TMTC2: variants seen among roughly 807,000 people sequenced by gnomAD.
The protein encoded by TMTC2 is protein O-mannosyl-transferase TMTC2.
In TMTC2, 43 loss-of-function variants were observed where a neutral mutation model predicts 82.4. That is an observed-to-expected ratio of 0.52 (90% CI 0.41 to 0.67). TMTC2 has a LOEUF of 0.67. TMTC2 is among the 30% of genes least tolerant of loss of function. TMTC2 has a pLI of 0.00. For synonymous variants in TMTC2, 408 were observed against 381.9 expected (o/e 1.07, Z -0.80); for missense variants, 919 against 1,012.4 (o/e 0.91, Z 1.25).
intron 1 of TMTC2, among the ~76,000 whole-genome samples, chr12:82,790,690 G>T (rs1353208911): frequency 1.3e-5 from 2 of 151,772 alleles, no homozygotes; most frequent in African/African-American, 2.4e-5. Context: ...AACTGGGTGT[G>T]GTTGTGCATG....
At chr12:82,717,865 C>A (rs769360766) in intron 1 of TMTC2, among the ~76,000 whole-genome samples, 1 of 152,090 alleles carries the variant, frequency 6.6e-6, no homozygotes, top group Non-Finnish European at 1.5e-5. Context: ...AACAAAGTAG[C>A]CTAATTTCCT....
intron 1 of TMTC2, among the ~76,000 whole-genome samples, chr12:82,782,825 A>T (rs534738429): frequency 3.3e-5 from 5 of 152,156 alleles, no homozygotes; most frequent in African/African-American, 1.2e-4. Flanking sequence ...AGTTACTTCT[A>T]AGTAGCCTCT....
intron 4 of TMTC2, among the ~76,000 whole-genome samples, chr12:82,947,038 G>A (rs934878522): frequency 1.3e-5 from 2 of 151,314 alleles, no homozygotes; most frequent in Admixed American, 6.6e-5. Context: ...CACCGCACCC[G>A]GCCCAGGCAT....
chr12:82,836,122 G>A (rs1056367738), intron 1 of TMTC2, among the ~76,000 whole-genome samples: 5 of 149,192 alleles, frequency 3.4e-5, no homozygotes, highest in African/African-American at 7.8e-5. Flanking sequence ...TTGAAACTTC[G>A]TAATGCCTCT....
rs990359525 is a variant in TMTC2 at position 82,913,834 on chromosome 12, G to T, written c.1484-16597G>T. Among the ~76,000 whole-genome samples, 3 of 152,222 alleles carry T rather than the reference G, an allele frequency of 2.0e-5. No homozygotes were observed. In the South Asian group the frequency reaches 6.2e-4, roughly 32 times the overall value. On this transcript the variant is annotated intron_variant, in intron 3 of 11. Transcript: ENST00000321196. ...GATATATGTGGAGGATTGGTTCCAA[G>T]ACCACACACTTAAAAACAAATCCCT...
chr12:83,016,755 C>G (rs1283124281), intron 8 of TMTC2, among the ~76,000 whole-genome samples: 1 of 152,152 alleles, frequency 6.6e-6, no homozygotes, highest in African/African-American at 2.4e-5. Flanking sequence ...AACTGTGAAG[C>G]CAGATAGTTT....
chr12:82,832,907 G>A (rs1869830061), intron 1 of TMTC2, among the ~76,000 whole-genome samples: 1 of 152,158 alleles, frequency 6.6e-6, no homozygotes, highest in Non-Finnish European at 1.5e-5. Flanking sequence ...TTCCCTGTTG[G>A]TCCCACTTCC....
At chr12:82,821,411 G>A (rs1592549705) in intron 1 of TMTC2, among the ~76,000 whole-genome samples, 2 of 152,084 alleles carry the variant, frequency 1.3e-5, no homozygotes, top group East Asian at 3.8e-4. Context: ...TGTTGGTAAT[G>A]ACTAATGATA....
At chr12:83,055,705 G>T (rs1253781925) in intron 10 of TMTC2, among the ~76,000 whole-genome samples, 1 of 147,874 alleles carries the variant, frequency 6.8e-6, no homozygotes, top group East Asian at 2.0e-4. Context: ...TAGTGGAAGG[G>T]GTGTGTGTGT....
intron 1 of TMTC2, among the ~76,000 whole-genome samples, chr12:82,742,677 G>T (rs955461947): frequency 6.6e-6 from 1 of 151,070 alleles, no homozygotes; most frequent in Non-Finnish European, 1.5e-5. Flanking sequence ...CTGCCATCAT[G>T]CCAGGCTAAT....
At chr12:82,976,919 A>G (rs1878700714) in intron 7 of TMTC2, among the ~76,000 whole-genome samples, 1 of 152,076 alleles carries the variant, frequency 6.6e-6, no homozygotes, top group Admixed American at 6.6e-5. Flanking sequence ...TCAAGTAGAT[A>G]CATAATGTGA....
In TMTC2 at chr12:83,134,137, A is replaced by C. The variant is rs190906301; in HGVS notation, c.*1748A>C. 3 of 152,570 alleles carry C rather than the reference A, an allele frequency of 2.0e-5. No individual in the cohort carries two copies. The highest frequency in any genetic ancestry group is 7.2e-5 in the African/African-American group (3 of 41,448). The allele number at this position is 152,570 out of a possible 1,614,324, so 9.5% of individuals were successfully genotyped here. A position where few individuals can be genotyped will look rare whatever the true frequency, so the allele number is the denominator to read the frequency against. ...TAATAAGAAAGCCCTTCTGTAATAT[A>C]TATATTATTTTGTAAACATTTCACT... On this transcript the variant is annotated 3_prime_UTR_variant, in exon 12 of 12. Coordinates refer to ENST00000321196, the MANE Select transcript of TMTC2 (RefSeq NM_152588.3).
In TMTC2 at chr12:82,787,986, T is replaced by G. The variant is rs933164443; in HGVS notation, c.84-69024T>G. Among the ~76,000 whole-genome samples, 36 of 152,196 alleles carry G rather than the reference T, an allele frequency of 2.4e-4. 1 individual carries two copies. The highest frequency in any genetic ancestry group is 7.7e-4 in the African/African-American group (32 of 41,552). ...ACCAGTAGGCTAAAATTTTCTTTCC[T>G]TACTTCATCTTGAGAATGTATGTCC... On this transcript the variant is annotated intron_variant, in intron 1 of 11. Transcript: ENST00000321196.
chr12:82,828,584 T>A (rs916474855), intron 1 of TMTC2, among the ~76,000 whole-genome samples: 1 of 152,338 alleles, frequency 6.6e-6, no homozygotes, highest in East Asian at 1.9e-4. Flanking sequence ...AGTCAAATAG[T>A]TAAGCCTTTC....
intron 1 of TMTC2, among the ~76,000 whole-genome samples, chr12:82,827,653 TTTTTC>T (rs570287557): frequency 2.0e-4 from 31 of 151,994 alleles, no homozygotes; most frequent in Admixed American, 7.2e-4. Context: ...TCTTCTTTCT[TTTTTC>T]TTTTCTTTTC....
intron 2 of TMTC2, among the ~76,000 whole-genome samples, chr12:82,868,386 T>G (rs2137132102): frequency 6.6e-6 from 1 of 152,344 alleles, no homozygotes; most frequent in South Asian, 2.1e-4. Flanking sequence ...TTTTCAAGGT[T>G]AATTCTTCTG....
chr12:82,965,513 A>G (rs1878153936), intron 5 of TMTC2, 47 bp from the exon 6 acceptor site: 3 of 1,595,334 alleles, frequency 1.9e-6, no homozygotes, highest in Admixed American at 3.4e-5. Context: ...ATTTTATTCA[A>G]GTGTATATCA....
intron 1 of TMTC2, among the ~76,000 whole-genome samples, chr12:82,846,797 A>T (rs1870707793): frequency 6.6e-6 from 1 of 152,192 alleles, no homozygotes; most frequent in Admixed American, 6.5e-5. Context: ...GTAACAATTT[A>T]TTAAGTGCCA....
intron 11 of TMTC2, among the ~76,000 whole-genome samples, chr12:83,075,474 A>G (rs1883258338): frequency 6.6e-6 from 1 of 151,914 alleles, no homozygotes; most frequent in Non-Finnish European, 1.5e-5. Flanking sequence ...TCCCCCCAAA[A>G]TAGGTTTCAA....
Sources: allele counts gnomAD v4.1 joint callset (sites outside exome capture counted in the v4.1 genomes callset), GRCh38; gene constraint gnomAD v4.1.1; transcripts MANE v1.5; gene names NCBI Gene and HGNC (gene_info 2026-07-23, HGNC 2026-07-21).